ZBTB20: variants seen among roughly 807,000 people sequenced by gnomAD.
ZBTB20 encodes the protein zinc finger and BTB domain containing 20.
A neutral mutation model predicts 56.9 loss-of-function variants in ZBTB20; 9 were observed. That is an observed-to-expected ratio of 0.16 (90% CI 0.10 to 0.28). The LOEUF is 0.28. Ranked by LOEUF, ZBTB20 falls within the 10% of genes least tolerant of loss-of-function variation. The probability of loss-of-function intolerance (pLI) is 1.00; values close to 1 mark genes in which losing one functional copy is unlikely to be tolerated. For missense variants in ZBTB20, 655 were observed against 1,003.0 expected, an observed-to-expected ratio of 0.65 and a Z score of 4.69; for synonymous variants, 417 against 420.7, an observed-to-expected ratio of 0.99 and a Z score of 0.11.
Position 115,080,763 on chromosome 3 carries a change from A to C in ZBTB20, c.-702-9349T>G, listed in dbSNP as rs376334891. 7.2e-5 allele frequency among the ~76,000 whole-genome samples: 11 copies of C among 152,322 alleles called. No individual in the cohort carries two copies. In the East Asian group the frequency reaches 2.1e-3, roughly 29 times the overall value. ...TCCTTATAATTTCAATAGAAATGCC[A>C]TCAGGGATTTTCTTTTTCCTCAAGA... On this transcript the variant is annotated intron_variant, in intron 1 of 11. Transcript: ENST00000675478.
chr3:114,781,505 A>G (rs143045821), intron 5 of ZBTB20, among the ~76,000 whole-genome samples: 1 of 152,338 alleles, frequency 6.6e-6, no homozygotes, highest in East Asian at 1.9e-4. Context: ...TTATTTCAGT[A>G]GGATTAATGA....
chr3:114,934,635 C>CT (rs901155463), intron 3 of ZBTB20, among the ~76,000 whole-genome samples: 11 of 151,528 alleles, frequency 7.3e-5, no homozygotes, highest in South Asian at 4.2e-4. Flanking sequence ...CTCTTTCTAT[C>CT]TTTTTTTTTC....
At chr3:115,022,372 T>C (rs2080240659) in intron 2 of ZBTB20, among the ~76,000 whole-genome samples, 1 of 150,968 alleles carries the variant, frequency 6.6e-6, no homozygotes, top group Admixed American at 6.6e-5. Context: ...TGGGAGACAG[T>C]TCTTTAAACA....
chr3:114,585,541 T>C (rs956573280), intron 6 of ZBTB20, among the ~76,000 whole-genome samples: 1 of 152,214 alleles, frequency 6.6e-6, no homozygotes, highest in African/African-American at 2.4e-5. Context: ...ATTTTACCCC[T>C]GCAAGAACAA....
chr3:115,116,366 T>A (rs753706091), intron 1 of ZBTB20, among the ~76,000 whole-genome samples: 3 of 152,072 alleles, frequency 2.0e-5, no homozygotes, highest in Non-Finnish European at 2.9e-5. Flanking sequence ...CCCTAACGCA[T>A]CATCTTGCAT....
chr3:114,759,479 G>C (rs1376256504), intron 5 of ZBTB20, among the ~76,000 whole-genome samples: 2 of 152,112 alleles, frequency 1.3e-5, no homozygotes, highest in Non-Finnish European at 2.9e-5. Context: ...GGGACTCCCT[G>C]GTGCCAACAC....
chr3:114,503,329 C>T (rs1472442589), intron 6 of ZBTB20, among the ~76,000 whole-genome samples: 1 of 151,890 alleles, frequency 6.6e-6, no homozygotes, highest in Admixed American at 6.6e-5. Flanking sequence ...TAATATGATC[C>T]CAAACTTAAT....
chr3:114,604,800 C>A (rs1323153041), intron 6 of ZBTB20, among the ~76,000 whole-genome samples: 2 of 151,952 alleles, frequency 1.3e-5, no homozygotes, highest in Non-Finnish European at 1.5e-5. Flanking sequence ...TAAGCTCAAT[C>A]GAGTTACCAG....
chr3:114,950,435 A>T (rs2077026272), intron 3 of ZBTB20, among the ~76,000 whole-genome samples: 1 of 152,040 alleles, frequency 6.6e-6, no homozygotes, highest in Non-Finnish European at 1.5e-5. Context: ...CTCTCAAAAC[A>T]TCTTTTTGTA....
At chr3:114,551,572 A>G (rs1037150667) in intron 6 of ZBTB20, among the ~76,000 whole-genome samples, 1 of 152,214 alleles carries the variant, frequency 6.6e-6, no homozygotes, top group African/African-American at 2.4e-5. Context: ...TGATATATGG[A>G]AATGAAGATA....
Position 114,328,463 on chromosome 3 carries a change from G to T in ZBTB20, c.*10542C>A. The T allele has an allele frequency of 6.6e-6, 1 of 151,706 alleles. No homozygotes were observed. The highest frequency in any genetic ancestry group is 1.5e-5 in the Non-Finnish European group (1 of 67,970). The allele number at this position is 151,706 out of a possible 1,614,324, so 9.4% of individuals were successfully genotyped here. ...ATGATTCTTTTTTTCTCCGTCAAAA[G>T]TGATTTACTCATATGAAGAACCTGA... On this transcript the variant is annotated 3_prime_UTR_variant, in exon 12 of 12. Coordinates refer to ENST00000675478, the MANE Select transcript of ZBTB20 (RefSeq NM_001348800.3).
At chr3:114,870,807 T>C (rs1176607785) in intron 4 of ZBTB20, among the ~76,000 whole-genome samples, 1 of 152,102 alleles carries the variant, frequency 6.6e-6, no homozygotes, top group Non-Finnish European at 1.5e-5. Flanking sequence ...AGTCTCTCTC[T>C]ACCCTTACTT....
intron 11 of ZBTB20, among the ~76,000 whole-genome samples, chr3:114,340,804 T>C (rs2079703039): frequency 1.3e-5 from 2 of 152,328 alleles, no homozygotes; most frequent in South Asian, 2.1e-4. Context: ...ATTTCAACAT[T>C]TGGACTATGC....
chr3:114,707,377 C>A (rs2063776445), intron 5 of ZBTB20, among the ~76,000 whole-genome samples: 1 of 152,088 alleles, frequency 6.6e-6, no homozygotes, highest in Non-Finnish European at 1.5e-5. Context: ...CTCAGTCAAG[C>A]AATTCCCTAC....
chr3:114,467,015 T>C (rs1001607609), intron 7 of ZBTB20, among the ~76,000 whole-genome samples: 95 of 152,160 alleles, frequency 6.2e-4, no homozygotes, highest in African/African-American at 2.2e-3. Flanking sequence ...TGTGGGAAAA[T>C]TCCAACAATT....
At chr3:115,005,040 AAGG>A (rs2079407621) in intron 2 of ZBTB20, among the ~76,000 whole-genome samples, 1 of 151,652 alleles carries the variant, frequency 6.6e-6, no homozygotes, top group Non-Finnish European at 1.5e-5. Context: ...CCTGTTTATG[AAGG>A]AGAAGCAGAG....
intron 1 of ZBTB20, chr3:115,144,719 A>G (rs1426770129): frequency 2.0e-5 from 3 of 152,152 alleles, no homozygotes; most frequent in Admixed American, 2.0e-4. Flanking sequence ...ACGGGCCTAG[A>G]TGGGTAAGCA....
chr3:114,576,108 C>T (rs552295609), intron 6 of ZBTB20, among the ~76,000 whole-genome samples: 2 of 152,180 alleles, frequency 1.3e-5, no homozygotes, highest in Non-Finnish European at 2.9e-5. Context: ...TTATTAAGCA[C>T]CTACTTTGTG....
At chr3:114,773,617 C>T (rs2069373028) in intron 5 of ZBTB20, among the ~76,000 whole-genome samples, 1 of 152,286 alleles carries the variant, frequency 6.6e-6, no homozygotes, top group Middle Eastern at 3.4e-3. Flanking sequence ...GGCAAGAATA[C>T]TATACTAACA....
Sources: gnomAD v4.1 joint callset for allele counts (sites outside exome capture counted in the v4.1 genomes callset) on GRCh38, gnomAD v4.1.1 for gene constraint, MANE v1.5 for transcripts, NCBI Gene and HGNC (gene_info 2026-07-23, HGNC 2026-07-21) for gene names.